Variants in CD2 observed in about 807,000 individuals in gnomAD.
CD2 encodes the protein CD2 molecule.
Under a neutral mutation model 23.2 loss-of-function variants are expected in CD2, and 18 were observed. The ratio of observed to expected loss-of-function variants is 0.77; its 90% confidence interval spans 0.54 to 1.15. The LOEUF (loss-of-function observed/expected upper bound fraction) is 1.15. Among genes scored for constraint, CD2 ranks in the 50% most tolerant of loss-of-function variants. CD2 has a pLI of 0.00. For synonymous variants in CD2, 162 were observed against 151.9 expected, an observed-to-expected ratio of 1.07 and a Z score of -0.49; for missense variants, 424 against 423.1, an observed-to-expected ratio of 1.00 and a Z score of -0.02.
rs12086107 is a variant in CD2, at chr1:116,757,125, T to C, written c.382+2174T>C. The stretch of plus-strand genomic sequence containing the variant: ...GATTCTCCTGCCTCAGCCTCCCAAG[T>C]AGCTGGGATTACAGGCATGTACCAC... On this transcript the variant is annotated intron_variant, in intron 2 of 4. Transcript: ENST00000369478. Among the ~76,000 whole-genome samples, 555 of 151,994 alleles carry C rather than the reference T, an allele frequency of 3.7e-3. 6 individuals carry two copies. The highest frequency in any genetic ancestry group is 0.013 in the African/African-American group (537 of 41,448).
At chr1:116,762,976 C>T (rs978393939) in intron 3 of CD2, among the ~76,000 whole-genome samples, 7 of 152,176 alleles carry the variant, frequency 4.6e-5, no homozygotes, top group African/African-American at 1.7e-4. Flanking sequence ...GCCATGTGCT[C>T]CCCAAAGCAT....
rs557745265 is a variant in CD2, at chr1:116,754,628, T to G, written c.62-3T>G. 6.2e-7 allele frequency: 1 copy of G among 1,608,140 alleles called. No individual in the cohort carries two copies. Among genetic ancestry groups the G allele is most frequent in the Non-Finnish European group, 8.5e-7 (1 of 1,178,224 alleles). On this transcript the variant is annotated splice_region_variant and splice_polypyrimidine_tract_variant and intron_variant, in intron 1 of 4. Coordinates refer to ENST00000369478, the MANE Select transcript of CD2 (RefSeq NM_001767.5). The stretch of plus-strand genomic sequence containing the variant: ...CTCTCAGTAACTCTTTTGCTTTTTA[T>G]AGGTGCAGTCTCCAAAGAGATTACG...
chr1:116,768,457 G>T lies in CD2; in HGVS notation c.737-7G>T. 1 of 1,611,866 alleles carries T rather than the reference G, an allele frequency of 6.2e-7. No homozygotes were observed. Among genetic ancestry groups the T allele is most frequent in the South Asian group, 1.1e-5 (1 of 90,920 alleles). ...AGATGAACTCTATTGAGGTTTTGTT[G>T]TTGCAGATGAGGAGCTGGAGACAAG... On this transcript the variant is annotated splice_region_variant and splice_polypyrimidine_tract_variant and intron_variant, in intron 4 of 4. Transcript: ENST00000369478.
intron 3 of CD2, among the ~76,000 whole-genome samples, chr1:116,762,726 G>T (rs769994981): frequency 5.9e-5 from 9 of 152,204 alleles, no homozygotes; most frequent in Non-Finnish European, 1.2e-4. Context: ...AAGATAGTAT[G>T]CCTGGATTTA....
At chr1:116,762,935 G>A (rs1652101958) in intron 3 of CD2, among the ~76,000 whole-genome samples, 1 of 152,212 alleles carries the variant, frequency 6.6e-6, no homozygotes, top group Non-Finnish European at 1.5e-5. Flanking sequence ...ATGACTTGGA[G>A]GGAAGATGGA....
chr1:116,761,029 T>C (rs1189149951), intron 3 of CD2, among the ~76,000 whole-genome samples: 1 of 152,138 alleles, frequency 6.6e-6, no homozygotes, highest in Non-Finnish European at 1.5e-5. Flanking sequence ...AGATGGTTAG[T>C]GGTCAGCACC....
chr1:116,755,754 A>G (rs1435182050), intron 2 of CD2, among the ~76,000 whole-genome samples: 1 of 152,112 alleles, frequency 6.6e-6, no homozygotes. Flanking sequence ...CTAAAATAGG[A>G]AGAATGAGGA....
chr1:116,764,671 G>A, intron 4 of CD2, 65 bp downstream of exon 4: 17 of 1,191,780 alleles, frequency 1.4e-5, no homozygotes, highest in Non-Finnish European at 2.1e-5. Flanking sequence ...AGCTCATGGG[G>A]ATGACACCTT....
At chr1:116,760,759 A>T in intron 3 of CD2, 127 bp downstream of exon 3, 1 of 705,550 alleles carries the variant, frequency 1.4e-6, no homozygotes, top group Non-Finnish European at 2.5e-6. Context: ...ATGAAAGCAT[A>T]TCTCTTCCTC....
Position 116,769,107 on chromosome 1 carries a change from G to C in CD2, c.*324G>C, listed in dbSNP as rs1451715654. On this transcript the variant is annotated 3_prime_UTR_variant, in exon 5 of 5. Transcript: ENST00000369478. Reference sequence around the variant, plus strand: ...TGTAGATGCGATAAATCAAGTGATTGGTGTGCCTGGGTCTCACTACAAGCA... The same window carrying C: ...TGTAGATGCGATAAATCAAGTGATTCGTGTGCCTGGGTCTCACTACAAGCA... 2 of 255,818 alleles carry C rather than the reference G, an allele frequency of 7.8e-6. No individual in the cohort carries two copies. The highest frequency in any genetic ancestry group is 1.5e-5 in the Non-Finnish European group (2 of 134,616). The allele number at this position is 255,818 out of a possible 1,614,324, so 15.8% of individuals were successfully genotyped here. A position where few individuals can be genotyped will look rare whatever the true frequency, so the allele number is the denominator to read the frequency against.
chr1:116,764,484 A>G lies in CD2; in HGVS notation c.614A>G (p.Glu205Gly), dbSNP rs199660194. Residue 205 changes from glutamate (E) to glycine (G), a missense_variant and splice_region_variant, in exon 4 of 5, where the codon GAG becomes GGG. Glu to Gly is a moderately conservative substitution (Grantham distance 98). Transcript: ENST00000369478. ...ESSVEPVSCP[E>G]KGLDIYLIIG... ...CATCCCACTTCTCTTCCTTTTGCAGAGAAAGGTCTGGACATCTATCTCATC... is the reference window on the plus strand; with the variant it reads ...CATCCCACTTCTCTTCCTTTTGCAGGGAAAGGTCTGGACATCTATCTCATC... The G allele has an allele frequency of 5.6e-5, 91 of 1,613,668 alleles. No homozygotes were observed. Among genetic ancestry groups the G allele is most frequent in the Non-Finnish European group, 6.9e-5 (82 of 1,179,876 alleles).
chr1:116,760,672 GC>G, intron 3 of CD2, 40 bp downstream of exon 3: 2 of 1,500,702 alleles, frequency 1.3e-6, no homozygotes, highest in South Asian at 1.1e-5. Context: ...AGCCTGCCAG[GC>G]CCTCAGTAGG....
At chr1:116,761,329 CT>C (rs1236273128) in intron 3 of CD2, among the ~76,000 whole-genome samples, 7 of 152,194 alleles carry the variant, frequency 4.6e-5, no homozygotes, top group Admixed American at 4.6e-4. Context: ...TAGTTTGGGT[CT>C]GTCCAAATTT....
At chr1:116,760,301 C>T (rs986532416) in intron 2 of CD2, 101 bp from the exon 3 acceptor site, 1 of 812,158 alleles carries the variant, frequency 1.2e-6, no homozygotes, top group African/African-American at 1.7e-5. Context: ...TGACATTGTT[C>T]CCTTGTCCCT....
Position 116,760,491 on chromosome 1 carries a change from C to A in CD2, c.472C>A (p.Leu158Met). The A allele has an allele frequency of 2.5e-6, 4 of 1,614,182 alleles. No individual in the cohort carries two copies. Among genetic ancestry groups the A allele is most frequent in the Non-Finnish European group, 3.4e-6 (4 of 1,180,022 alleles). The change falls in exon 3 of 5, where the codon CTG becomes ATG. Residue 158 changes from leucine to methionine, a missense_variant. By Grantham distance (15) the Leu-to-Met change is conservative. Coordinates refer to ENST00000369478, the MANE Select transcript of CD2 (RefSeq NM_001767.5). ...GAATGGAACTGACCCCGAATTAAAC[C>A]TGTATCAAGATGGGAAACATCTAAA... The part of the protein sequence containing the change: ...VMNGTDPELN[L>M]YQDGKHLKLS...
At chr1:116,755,051 C>T in intron 2 of CD2, 100 bp downstream of exon 2, 1 of 792,666 alleles carries the variant, frequency 1.3e-6, no homozygotes, top group Non-Finnish European at 2.0e-6. Flanking sequence ...ACCTCTGCCT[C>T]CAGGGGGGCT....
chr1:116,764,785 A>T (rs1652164902), intron 4 of CD2, 179 bp downstream of exon 4: 1 of 599,398 alleles, frequency 1.7e-6, no homozygotes, highest in African/African-American at 1.9e-5. Flanking sequence ...TTTTTGAAAA[A>T]CAAATTCTTA....
chr1:116,768,163 T>A (rs146104047), intron 4 of CD2, among the ~76,000 whole-genome samples: 258 of 152,164 alleles, frequency 1.7e-3, no homozygotes, highest in Non-Finnish European at 3.2e-3. Context: ...AGCACAGAGG[T>A]AGGGTTCCAG....
rs369716425 is a variant in CD2 at position 116,768,494 on chromosome 1, T to A, written c.767T>A (p.Val256Glu). 2.5e-6 allele frequency: 4 copies of A among 1,613,898 alleles called. No homozygotes were observed. The African/African-American group carries it at 4.0e-5, about 16-fold the overall frequency. ...GAGCTGGAGACAAGAGCCCACAGAG[T>A]AGCTACTGAAGAAAGGGGCCGGAAG... ...DEELETRAHRVATEERGRKPH... is the reference protein window; with the variant it reads ...DEELETRAHREATEERGRKPH... The change falls in exon 5 of 5, where the codon GTA (valine) becomes GAA (glutamate). Residue 256 changes from valine (V) to glutamate (E), a missense_variant. Physicochemically the swap from Val to Glu is moderately radical, Grantham distance 121. Coordinates refer to ENST00000369478, the MANE Select transcript of CD2 (RefSeq NM_001767.5).
Sources: gnomAD v4.1 joint callset for allele counts (sites outside exome capture counted in the v4.1 genomes callset) on GRCh38, gnomAD v4.1.1 for gene constraint, MANE v1.5 for transcripts, NCBI Gene and HGNC (gene_info 2026-07-23, HGNC 2026-07-21) for gene names.